The following PLEKHA7 variants were observed in gnomAD, a reference collection of about 807,000 sequenced individuals.
PLEKHA7 encodes the protein pleckstrin homology domain-containing family A member 7.
A neutral mutation model predicts 170.0 loss-of-function variants in PLEKHA7; 104 were observed. The ratio of observed to expected loss-of-function variants is 0.61; its 90% CI spans 0.52 to 0.72. The LOEUF is 0.72. PLEKHA7 is among the 30% of genes least tolerant of loss of function. The pLI, the probability that PLEKHA7 is intolerant of heterozygous loss-of-function variation, is 0.00. For missense variants in PLEKHA7, 1,615 were observed against 1,671.7 expected (o/e 0.97, Z 0.59); for synonymous variants, 648 against 660.8 (o/e 0.98, Z 0.30).
intron 8 of PLEKHA7, among the ~76,000 whole-genome samples, chr11:16,843,938 AAAAC>A (rs1172234823): frequency 5.3e-5 from 8 of 152,156 alleles, no homozygotes; most frequent in South Asian, 2.1e-4. Context: ...CTCTGCCTCA[AAAAC>A]AAACAAACAA....
intron 17 of PLEKHA7, 50 bp downstream of exon 17, chr11:16,800,924 C>G (rs1021770788): frequency 6.5e-7 from 1 of 1,539,802 alleles, no homozygotes; most frequent in African/African-American, 1.4e-5. Flanking sequence ...AAACAAAAAA[C>G]AAAAAACAAA....
chr11:16,912,645 G>C (rs184510784), intron 3 of PLEKHA7, among the ~76,000 whole-genome samples: 1 of 152,118 alleles, frequency 6.6e-6, no homozygotes, highest in African/African-American at 2.4e-5. Context: ...GAACTTCCAA[G>C]GACAAGCTGG....
At chr11:16,792,525 C>T (rs192942292) in intron 19 of PLEKHA7, among the ~76,000 whole-genome samples, 14 of 137,296 alleles carry the variant, frequency 1.0e-4, no homozygotes, top group Admixed American at 8.5e-4. Flanking sequence ...AACACAGGTA[C>T]TAAAATTAAA....
chr11:16,905,475 C>T (rs7944146), intron 3 of PLEKHA7, among the ~76,000 whole-genome samples: 143,807 of 152,136 alleles, frequency 0.95, 68,005 homozygotes, highest in Middle Eastern at 0.97. Context: ...AACTGTATAT[C>T]AGGCAATTTC....
At chr11:16,798,999 G>A (rs1848415947) in intron 17 of PLEKHA7, among the ~76,000 whole-genome samples, 1 of 152,190 alleles carries the variant, frequency 6.6e-6, no homozygotes, top group African/African-American at 2.4e-5. Context: ...CCTTAGACTG[G>A]CGCTGCCCAA....
At chr11:16,944,834 T>C (rs1860923923) in intron 3 of PLEKHA7, among the ~76,000 whole-genome samples, 1 of 152,264 alleles carries the variant, frequency 6.6e-6, no homozygotes, top group African/African-American at 2.4e-5. Flanking sequence ...GCATTTACTA[T>C]GTTTCACAAA....
intron 8 of PLEKHA7, 139 bp downstream of exon 8, chr11:16,851,052 A>G: frequency 1.8e-6 from 1 of 563,264 alleles, no homozygotes; most frequent in Non-Finnish European, 3.0e-6. Flanking sequence ...TTGTTTAAAT[A>G]ACTTACAACT....
chr11:16,942,850 G>A (rs1229532948), intron 3 of PLEKHA7, among the ~76,000 whole-genome samples: 1 of 152,170 alleles, frequency 6.6e-6, no homozygotes, highest in Non-Finnish European at 1.5e-5. Context: ...TTAGGAGACT[G>A]TCTTTTAAAA....
At chr11:16,909,666 G>A (rs541101847) in intron 3 of PLEKHA7, among the ~76,000 whole-genome samples, 1 of 152,298 alleles carries the variant, frequency 6.6e-6, no homozygotes, top group African/African-American at 2.4e-5. Flanking sequence ...TTCCTCCTCT[G>A]CAAACTGAAG....
At chr11:16,803,417 T>C (rs1237317586) in intron 13 of PLEKHA7, 122 bp from the exon 14 acceptor site, 25 of 996,976 alleles carry the variant, frequency 2.5e-5, no homozygotes, top group Non-Finnish European at 3.8e-5. Flanking sequence ...AGGGTCATAG[T>C]ATGAGAGGGA....
At chr11:16,898,063 C>T (rs1857108898) in intron 3 of PLEKHA7, among the ~76,000 whole-genome samples, 1 of 151,992 alleles carries the variant, frequency 6.6e-6, no homozygotes, top group African/African-American at 2.4e-5. Context: ...ATCCACAAAA[C>T]GTTACCCAGA....
chr11:16,866,879 G>C (rs2135597750), intron 4 of PLEKHA7, among the ~76,000 whole-genome samples: 1 of 152,266 alleles, frequency 6.6e-6, no homozygotes, highest in East Asian at 1.9e-4. Context: ...GCATGGATGG[G>C]TTATTCCAAG....
intron 9 of PLEKHA7, among the ~76,000 whole-genome samples, chr11:16,829,569 G>T (rs529895800): frequency 1.3e-5 from 2 of 152,170 alleles, no homozygotes; most frequent in African/African-American, 4.8e-5. Context: ...TGAGGTCAGG[G>T]GTTCAAGACC....
At position 16,794,671 on chromosome 11, in the gene PLEKHA7, TG is replaced by T; in HGVS notation, c.2561del (p.Ser854TyrfsTer45). 6.2e-7 allele frequency: 1 copy of T among 1,613,640 alleles called. No individual in the cohort carries two copies. Among genetic ancestry groups the T allele is most frequent in the Middle Eastern group, 1.6e-4 (1 of 6,062 alleles). On this transcript the variant is annotated frameshift_variant, in exon 19 of 27. Transcript: ENST00000531066. LOFTEE classifies it high-confidence loss of function. ...VPLFPHPPVPSLSTSESKPPP... is the reference protein window; with the variant it reads ...VPLFPHPPVPXLSTSESKPPP... ...GCGGCTTGCTCTCAGAAGTTGAGAG[TG>T]AAGGCACAGGCGGGTGAGGAAACAA... is the stretch of plus-strand genomic sequence containing the variant.
intron 3 of PLEKHA7, among the ~76,000 whole-genome samples, chr11:16,992,077 C>CG (rs1161686098): frequency 2.6e-5 from 4 of 151,512 alleles, no homozygotes; most frequent in Non-Finnish European, 4.4e-5. Context: ...GTCCAGGGAC[C>CG]CCCCCCAGCC....
intron 3 of PLEKHA7, among the ~76,000 whole-genome samples, chr11:16,872,560 C>A (rs1309441792): frequency 6.6e-6 from 1 of 152,020 alleles, no homozygotes; most frequent in African/African-American, 2.4e-5. Flanking sequence ...CGCTCTGTTG[C>A]CCAGGTGGGA....
chr11:17,001,423 G>A (rs1033189946), intron 3 of PLEKHA7, among the ~76,000 whole-genome samples: 1 of 152,174 alleles, frequency 6.6e-6, no homozygotes, highest in African/African-American at 2.4e-5. Context: ...CAATTTGCAA[G>A]TGGAGAAGAT....
intron 3 of PLEKHA7, among the ~76,000 whole-genome samples, chr11:16,970,323 A>T (rs1862631460): frequency 6.6e-6 from 1 of 152,098 alleles, no homozygotes; most frequent in African/African-American, 2.4e-5. Context: ...GGGGATAATA[A>T]TCCTCCCCTA....
intron 3 of PLEKHA7, among the ~76,000 whole-genome samples, chr11:16,963,889 T>C (rs1167898868): frequency 1.3e-5 from 2 of 152,236 alleles, no homozygotes; most frequent in Non-Finnish European, 2.9e-5. Flanking sequence ...ATATTCGCAA[T>C]GTTGTGCAAC....
Sources: gnomAD v4.1 joint callset for allele counts (sites outside exome capture counted in the v4.1 genomes callset) on GRCh38, gnomAD v4.1.1 for gene constraint, MANE v1.5 for transcripts, NCBI Gene and HGNC (gene_info 2026-07-23, HGNC 2026-07-21) for gene names.